The following CXCL17 variants were observed in gnomAD, a reference collection of about 807,000 sequenced individuals.
The protein encoded by CXCL17 is C-X-C motif chemokine ligand 17.
CXCL17 carries 9 observed loss-of-function variants against 15.5 expected under a neutral mutation model. The observed-to-expected ratio is 0.58, with a 90% CI of 0.35 to 1.01. The LOEUF (loss-of-function observed/expected upper bound fraction) is 1.01. CXCL17 is among the 50% of genes least tolerant of loss of function. The pLI is 0.02. For synonymous variants in CXCL17, 52 were observed against 52.3 expected, an observed-to-expected ratio of 0.99 and a Z score of 0.02; for missense variants, 133 against 138.2, an observed-to-expected ratio of 0.96 and a Z score of 0.19.
chr19:42,433,728 C>G, intron 2 of CXCL17, 48 bp downstream of exon 2: 3 of 1,502,234 alleles, frequency 2.0e-6, no homozygotes, highest in Non-Finnish European at 9.3e-7. Flanking sequence ...AGGGAGAGAG[C>G]TGGGGTCATG....
At chr19:42,431,187 G>T (rs191292317) in intron 3 of CXCL17, among the ~76,000 whole-genome samples, 22 of 152,330 alleles carry the variant, frequency 1.4e-4, no homozygotes, top group African/African-American at 5.3e-4. Context: ...AAGGTTGAGT[G>T]CCATTGCATC....
intron 3 of CXCL17, among the ~76,000 whole-genome samples, chr19:42,430,401 G>A (rs959390650): frequency 1.3e-5 from 2 of 152,028 alleles, no homozygotes; most frequent in East Asian, 3.9e-4. Context: ...TTCGAGACCA[G>A]CCTGACCAAC....
At chr19:42,432,301 T>C (rs976312187) in intron 3 of CXCL17, among the ~76,000 whole-genome samples, 2 of 151,986 alleles carry the variant, frequency 1.3e-5, no homozygotes, top group African/African-American at 4.8e-5. Context: ...TGCACCACTA[T>C]GCCCCGCTAA....
intron 2 of CXCL17, 119 bp downstream of exon 2, chr19:42,433,657 T>G: frequency 1.2e-6 from 1 of 803,318 alleles, no homozygotes; most frequent in Non-Finnish European, 2.1e-6. Context: ...TGGCAGGCTG[T>G]GGAGAGGGGA....
At chr19:42,438,593 C>T (rs1408308508) in intron 1 of CXCL17, among the ~76,000 whole-genome samples, 1 of 151,530 alleles carries the variant, frequency 6.6e-6, no homozygotes, top group African/African-American at 2.4e-5. Flanking sequence ...TATTTCCCAG[C>T]TCTGACCACT....
intron 1 of CXCL17, among the ~76,000 whole-genome samples, 174 bp downstream of exon 1, chr19:42,442,580 A>G (rs2040905093): frequency 6.6e-6 from 1 of 152,040 alleles, no homozygotes; most frequent in Non-Finnish European, 1.5e-5. Context: ...CTCTCTCAAC[A>G]TTGTTTGGGT....
intron 1 of CXCL17, among the ~76,000 whole-genome samples, chr19:42,438,493 C>T (rs2040860323): frequency 6.8e-6 from 1 of 147,280 alleles, no homozygotes; most frequent in Admixed American, 6.9e-5. Flanking sequence ...TTGTCTCTTT[C>T]TCAAGATAAC....
intron 1 of CXCL17, 87 bp from the exon 2 acceptor site, chr19:42,433,943 T>A: frequency 1.2e-6 from 1 of 844,606 alleles, no homozygotes; most frequent in Non-Finnish European, 1.9e-6. Context: ...GTCAGCACAG[T>A]TCCATTTTTC....
chr19:42,435,901 G>A (rs2040830253), intron 1 of CXCL17, among the ~76,000 whole-genome samples: 1 of 151,730 alleles, frequency 6.6e-6, no homozygotes, highest in South Asian at 2.1e-4. Context: ...GAAGATAAGA[G>A]GAGAAGTCCA....
rs137987182 is a variant in CXCL17 at position 42,441,009 on chromosome 19, A to G, written c.79+1745T>C. Among the ~76,000 whole-genome samples the G allele has an allele frequency of 7.1e-3, 1,087 of 152,344 alleles. 6 individuals carry two copies. The highest frequency in any genetic ancestry group is 0.037 in the Middle Eastern group (11 of 294). On this transcript the variant is annotated intron_variant, in intron 1 of 3. Coordinates refer to ENST00000601181, the MANE Select transcript of CXCL17 (RefSeq NM_198477.3). ...CAATACACAGAACAGCCCCCACCGC[A>G]AGGAACTGTTCAGCCCAAATGTCAG...
intron 2 of CXCL17, 122 bp downstream of exon 2, chr19:42,433,654 C>T: frequency 1.3e-6 from 1 of 779,390 alleles, no homozygotes. Context: ...ATGTGGCAGG[C>T]TGTGGAGAGG....
chr19:42,438,381 A>AAATATAT lies in CXCL17; in HGVS notation c.79+4372_79+4373insATATATT, dbSNP rs1555793041. Among the ~76,000 whole-genome samples the AAATATAT allele has an allele frequency of 6.4e-4, 41 of 63,852 alleles. 1 individual carries two copies. The highest frequency in any genetic ancestry group is 1.7e-3 in the African/African-American group (23 of 13,206). The allele number at this position is 63,852 out of a possible 152,430, so 41.9% of individuals were successfully genotyped here. A position where few individuals can be genotyped will look rare whatever the true frequency, so the allele number is the denominator to read the frequency against. ...AAAAAAAAAAAAAAAAAAAAAAAAA[A>AAATATAT]ATATATATATATATATATATATATA... On this transcript the variant is annotated intron_variant, in intron 1 of 3. Coordinates refer to ENST00000601181, the MANE Select transcript of CXCL17 (RefSeq NM_198477.3).
At chr19:42,432,150 T>TTTTC (rs2040788901) in intron 3 of CXCL17, among the ~76,000 whole-genome samples, 1 of 146,518 alleles carries the variant, frequency 6.8e-6, no homozygotes, top group African/African-American at 2.6e-5. Flanking sequence ...AGTTTTTTTT[T>TTTTC]TTTTTTTTTT....
In CXCL17 at chr19:42,433,988, G is replaced by A. The variant is rs2040809692; in HGVS notation, c.80-132C>T. ...TTCAAGAATCTAGGTTACTTCAAGA[G>A]ATGAATATTTTATTTTTATTTATAT... On this transcript the variant is annotated intron_variant, in intron 1 of 3. Transcript: ENST00000601181. The A allele has an allele frequency of 4.8e-6, 3 of 621,888 alleles. No individual in the cohort carries two copies. The East Asian group carries it at 8.6e-5, about 18-fold the overall frequency. The allele number at this position is 621,888 out of a possible 1,614,324, so 38.5% of individuals were successfully genotyped here. A position where few individuals can be genotyped will look rare whatever the true frequency, so the allele number is the denominator to read the frequency against.
At position 42,436,653 on chromosome 19, in the gene CXCL17, T is replaced by G. The variant is rs541601601; in HGVS notation, c.80-2797A>C. Among the ~76,000 whole-genome samples, 4 of 152,352 alleles carry G rather than the reference T, an allele frequency of 2.6e-5. No homozygotes were observed. The East Asian group carries it at 5.8e-4, about 22-fold the overall frequency. On this transcript the variant is annotated intron_variant, in intron 1 of 3. Coordinates refer to ENST00000601181, the MANE Select transcript of CXCL17 (RefSeq NM_198477.3). ...ATAGCATGTAAACACATTCTCTTTT[T>G]CCATTCATAGGCATGTTGCTGTGTC...
At chr19:42,433,400 G>A (rs1247419310) in intron 2 of CXCL17, among the ~76,000 whole-genome samples, 2 of 152,172 alleles carry the variant, frequency 1.3e-5, no homozygotes, top group Non-Finnish European at 2.9e-5. Flanking sequence ...ACTTTCCCTT[G>A]GGGAAGCCAT....
Position 42,433,035 on chromosome 19 carries a change from G to A in CXCL17, c.203C>T (p.Ser68Phe). The A allele has an allele frequency of 6.2e-7, 1 of 1,614,114 alleles. No homozygotes were observed. The highest frequency in any genetic ancestry group is 1.1e-5 in the South Asian group (1 of 91,062). The change falls in exon 3 of 4, where the codon TCT becomes TTT. Residue 68 changes from serine to phenylalanine, a missense_variant. Ser to Phe is a radical substitution (Grantham distance 155, BLOSUM62 -2). Coordinates refer to ENST00000601181, the MANE Select transcript of CXCL17 (RefSeq NM_198477.3). ...RAPRRKFMTV[S>F]GLPKKQCPCD... ...GGGGCACTGCTTCTTTGGCAGCCCAGACACTGTCATGAATTTTCTTCTCGG... is the reference window on the plus strand; with the variant it reads ...GGGGCACTGCTTCTTTGGCAGCCCAAACACTGTCATGAATTTTCTTCTCGG...
chr19:42,433,770 A>G lies in CXCL17; in HGVS notation c.160+6T>C, dbSNP rs1172293681. On this transcript the variant is annotated splice_donor_region_variant and intron_variant, in intron 2 of 3. Coordinates refer to ENST00000601181, the MANE Select transcript of CXCL17 (RefSeq NM_198477.3). ...CCATCGCTGTTGTTGTTGCTGAATT[A>G]CTGACCTTTGCACTCACATTCTTGG... The G allele has an allele frequency of 6.2e-7, 1 of 1,613,150 alleles. No individual in the cohort carries two copies. Among genetic ancestry groups the G allele is most frequent in the Admixed American group, 1.7e-5 (1 of 60,020 alleles).
intron 1 of CXCL17, among the ~76,000 whole-genome samples, chr19:42,438,354 C>CAAAAAAAAAA (rs34157586): frequency 1.1e-4 from 2 of 17,462 alleles, no homozygotes; most frequent in African/African-American, 4.1e-4. Flanking sequence ...GACTCTGTCT[C>CAAAAAAAAAA]AAAAAAAAAA....
Sources: gnomAD v4.1 joint callset for allele counts (sites outside exome capture counted in the v4.1 genomes callset) on GRCh38, gnomAD v4.1.1 for gene constraint, MANE v1.5 for transcripts, NCBI Gene and HGNC (gene_info 2026-07-23, HGNC 2026-07-21) for gene names.